The following CCDC171 variants were observed in gnomAD, a reference collection of about 807,000 sequenced individuals.
The protein encoded by CCDC171 is coiled-coil domain-containing protein 171.
CCDC171 carries 177 observed loss-of-function variants against 168.2 expected under a neutral mutation model. That is an observed-to-expected ratio of 1.05 (90% confidence interval 0.93 to 1.19). The LOEUF (loss-of-function observed/expected upper bound fraction) is 1.19, where lower values mean the gene tolerates loss of function less well. Ranked by LOEUF, CCDC171 falls within the 50% of genes most tolerant of loss-of-function variation. The pLI is 0.00. For synonymous variants in CCDC171, 687 were observed against 540.8 expected (o/e 1.27, Z -3.75); for missense variants, 1,991 against 1,539.0 (o/e 1.29, Z -4.91).
rs566480753 is a variant in CCDC171, at chr9:15,764,238, A to T, written c.2672-13362A>T. 2.6e-5 allele frequency among the ~76,000 whole-genome samples: 4 copies of T among 152,366 alleles called. No individual in the cohort carries two copies. The South Asian group carries it at 8.3e-4, about 32-fold the overall frequency. ...AACTATGGTAAGAACTTTAGATTTT[A>T]TTCAGGATAAGATGGGATACCATCG... On this transcript the variant is annotated intron_variant, in intron 18 of 25. Coordinates refer to ENST00000380701, the MANE Select transcript of CCDC171 (RefSeq NM_173550.4).
chr9:16,055,387 G>T (rs1024208314), intron 1 of CCDC171, among the ~76,000 whole-genome samples: 3 of 152,118 alleles, frequency 2.0e-5, no homozygotes, highest in African/African-American at 7.2e-5. Flanking sequence ...TCACTGAGGA[G>T]TCTGGGGGCA....
chr9:15,803,235 T>G (rs1375513347), intron 21 of CCDC171, among the ~76,000 whole-genome samples: 1 of 152,222 alleles, frequency 6.6e-6, no homozygotes, highest in East Asian at 1.9e-4. Context: ...GATAGTTTCT[T>G]TTGCTGTGCA....
chr9:15,905,242 C>T (rs569573565), intron 24 of CCDC171, among the ~76,000 whole-genome samples: 1 of 152,320 alleles, frequency 6.6e-6, no homozygotes, highest in African/African-American at 2.4e-5. Context: ...CCACACTGCA[C>T]TTATTCCAAA....
chr9:16,012,218 T>C (rs1395542000), intron 3 of CCDC171, among the ~76,000 whole-genome samples: 1 of 152,170 alleles, frequency 6.6e-6, no homozygotes, highest in African/African-American at 2.4e-5. Flanking sequence ...TTTGCTCCCA[T>C]GGCCACAGCA....
At chr9:15,694,546 CT>C (rs2051067420) in intron 10 of CCDC171, among the ~76,000 whole-genome samples, 1 of 152,168 alleles carries the variant, frequency 6.6e-6, no homozygotes, top group Non-Finnish European at 1.5e-5. Context: ...CATCATTATT[CT>C]GATTCAACTA....
At chr9:16,043,326 G>T (rs144493698) in intron 1 of CCDC171, among the ~76,000 whole-genome samples, 57 of 152,176 alleles carry the variant, frequency 3.7e-4, no homozygotes, top group African/African-American at 1.3e-3. Flanking sequence ...TATCTTGGAT[G>T]ACTGTTGTTA....
intron 23 of CCDC171, among the ~76,000 whole-genome samples, chr9:15,859,647 G>A (rs950317529): frequency 1.7e-5 from 2 of 119,144 alleles, no homozygotes; most frequent in Admixed American, 2.0e-4. Context: ...TTTTTGTTTT[G>A]TTTTGTTTTG....
At chr9:15,780,689 A>G (rs1588456249) in intron 20 of CCDC171, among the ~76,000 whole-genome samples, 1 of 152,122 alleles carries the variant, frequency 6.6e-6, no homozygotes, top group African/African-American at 2.4e-5. Flanking sequence ...ATAATTTTGT[A>G]TGTATAGTTT....
chr9:15,729,124 G>A (rs184636561), intron 15 of CCDC171, among the ~76,000 whole-genome samples: 1 of 152,246 alleles, frequency 6.6e-6, no homozygotes, highest in Admixed American at 6.5e-5. Flanking sequence ...AGTTTTCATT[G>A]TTTCAAAACA....
chr9:16,075,462 T>C, the CCDC171 span, among the ~76,000 whole-genome samples: 1 of 152,202 alleles, frequency 6.6e-6, no homozygotes, highest in Non-Finnish European at 1.5e-5. Flanking sequence ...TCATGTAGTG[T>C]AAGTTGCTCA....
intron 10 of CCDC171, among the ~76,000 whole-genome samples, chr9:15,692,889 C>A (rs979923613): frequency 6.6e-6 from 1 of 151,090 alleles, no homozygotes; most frequent in South Asian, 2.1e-4. Flanking sequence ...GTAATCCCAG[C>A]ACTTTGGGAG....
At chr9:16,012,123 C>T (rs1832884876) in intron 3 of CCDC171, among the ~76,000 whole-genome samples, 1 of 152,210 alleles carries the variant, frequency 6.6e-6, no homozygotes, top group Non-Finnish European at 1.5e-5. Flanking sequence ...TAAATTCTGG[C>T]TAACCAGGAC....
chr9:15,825,309 A>T (rs1354151448), intron 21 of CCDC171, among the ~76,000 whole-genome samples: 2 of 152,130 alleles, frequency 1.3e-5, no homozygotes. Context: ...ATTAGTTCAG[A>T]GAATGTTTCT....
intron 18 of CCDC171, among the ~76,000 whole-genome samples, chr9:15,774,406 T>C (rs2057191733): frequency 1.3e-5 from 2 of 151,934 alleles, no homozygotes; most frequent in African/African-American, 4.8e-5. Context: ...ATGATGCCAT[T>C]ACTGCCTCAC....
intron 3 of CCDC171, among the ~76,000 whole-genome samples, chr9:15,577,377 A>G: frequency 6.6e-6 from 1 of 152,176 alleles, no homozygotes; most frequent in Non-Finnish European, 1.5e-5. Context: ...ATCATAGTTA[A>G]GTGCGTTCAT....
In CCDC171 at chr9:15,666,252, A is replaced by T; in HGVS notation, c.1005A>T (p.Glu335Asp). Reference sequence around the variant, plus strand: ...CTGATTTGGAAATTATCAAGAATGAATTCAAAGAAGTTGAAAGTGCATATG... The same window carrying T: ...CTGATTTGGAAATTATCAAGAATGATTTCAAAGAAGTTGAAAGTGCATATG... The part of the protein sequence containing the change: ...AVADLEIIKN[E>D]FKEVESAYER... The change falls in exon 9 of 26, where the codon GAA becomes GAT. Residue 335 changes from glutamate to aspartate, a missense_variant. By Grantham distance (45) the Glu-to-Asp change is conservative (BLOSUM62 2). Transcript: ENST00000380701. 6.2e-7 allele frequency: 1 copy of T among 1,613,966 alleles called. No individual in the cohort carries two copies. The highest frequency in any genetic ancestry group is 1.1e-5 in the South Asian group (1 of 91,070).
chr9:15,801,376 T>A (rs746988893), intron 21 of CCDC171, among the ~76,000 whole-genome samples: 1 of 152,100 alleles, frequency 6.6e-6, no homozygotes, highest in Non-Finnish European at 1.5e-5. Context: ...TTTATGGCTA[T>A]GGTAAATGGG....
intron 3 of CCDC171, among the ~76,000 whole-genome samples, chr9:16,007,313 T>A (rs1392861659): frequency 6.6e-6 from 1 of 152,204 alleles, no homozygotes; most frequent in East Asian, 1.9e-4. Flanking sequence ...TTTGAGTTCA[T>A]TGTAGATTCT....
chr9:15,656,713 G>C (rs560901638), intron 7 of CCDC171, among the ~76,000 whole-genome samples: 1 of 152,076 alleles, frequency 6.6e-6, no homozygotes, highest in Non-Finnish European at 1.5e-5. Flanking sequence ...AAGCAGATTC[G>C]TGATTACTTG....
Sources: allele counts gnomAD v4.1 joint callset (sites outside exome capture counted in the v4.1 genomes callset), GRCh38; gene constraint gnomAD v4.1.1; transcripts MANE v1.5; gene names NCBI Gene and HGNC (gene_info 2026-07-23, HGNC 2026-07-21).